Variants in TRPC4 observed in about 807,000 individuals in gnomAD.
The protein encoded by TRPC4 is short transient receptor potential channel 4.
A neutral mutation model predicts 99.4 loss-of-function variants in TRPC4; 49 were observed. That is an observed-to-expected ratio of 0.49 (90% CI 0.39 to 0.63). The LOEUF is 0.63. TRPC4 is among the 20% of genes least tolerant of loss of function. The probability of loss-of-function intolerance (pLI) is 0.00; values close to 1 mark genes in which losing one functional copy is unlikely to be tolerated. For synonymous variants in TRPC4, 454 were observed against 425.9 expected, an observed-to-expected ratio of 1.07 and a Z score of -0.81; for missense variants, 898 against 1,152.9, an observed-to-expected ratio of 0.78 and a Z score of 3.20.
intron 1 of TRPC4, among the ~76,000 whole-genome samples, chr13:37,857,183 A>G (rs1338490737): frequency 1.3e-5 from 2 of 151,670 alleles, no homozygotes; most frequent in Non-Finnish European, 3.0e-5. Flanking sequence ...CAATAGCCAC[A>G]CATAAAAATA....
intron 2 of TRPC4, among the ~76,000 whole-genome samples, chr13:37,747,616 T>C (rs1471431488): frequency 6.6e-6 from 1 of 152,126 alleles, no homozygotes; most frequent in African/African-American, 2.4e-5. Context: ...ACGACACTCA[T>C]GATGACACTT....
intron 1 of TRPC4, among the ~76,000 whole-genome samples, chr13:37,829,728 A>G (rs1311213887): frequency 2.0e-4 from 30 of 152,218 alleles, no homozygotes; most frequent in Admixed American, 2.0e-3. Flanking sequence ...AATAGCCAAA[A>G]GTTGGAACCA....
At chr13:37,666,055 A>G (rs1341649898) in intron 5 of TRPC4, among the ~76,000 whole-genome samples, 1 of 152,174 alleles carries the variant, frequency 6.6e-6, no homozygotes, top group Non-Finnish European at 1.5e-5. Context: ...ATGGGAAACA[A>G]CCATTGGAAG....
intron 2 of TRPC4, among the ~76,000 whole-genome samples, chr13:37,761,774 T>C (rs1956226669): frequency 6.6e-6 from 1 of 151,862 alleles, no homozygotes; most frequent in Non-Finnish European, 1.5e-5. Flanking sequence ...GATTCATTTG[T>C]TTCTCCTCAC....
intron 6 of TRPC4, among the ~76,000 whole-genome samples, chr13:37,659,231 A>G (rs1952350023): frequency 6.6e-6 from 1 of 151,812 alleles, no homozygotes; most frequent in South Asian, 2.1e-4. Context: ...TCATCCTAGG[A>G]GTAATTAGTG....
At chr13:37,741,894 C>T (rs1478464418) in intron 3 of TRPC4, among the ~76,000 whole-genome samples, 3 of 149,586 alleles carry the variant, frequency 2.0e-5, no homozygotes, top group Non-Finnish European at 3.0e-5. Context: ...CAGAGTAACA[C>T]TGCACATTAT....
intron 8 of TRPC4, among the ~76,000 whole-genome samples, chr13:37,642,362 C>T (rs913663013): frequency 1.3e-5 from 2 of 152,122 alleles, no homozygotes; most frequent in Admixed American, 6.5e-5. Flanking sequence ...GCTAGGGGTT[C>T]CAGCCTAGTG....
chr13:37,639,041 T>C lies in TRPC4; in HGVS notation c.2210A>G (p.Lys737Arg), dbSNP rs1357234236. 2.5e-6 allele frequency: 4 copies of C among 1,613,332 alleles called. No individual in the cohort carries two copies. The highest frequency in any genetic ancestry group is 3.4e-6 in the Non-Finnish European group (4 of 1,179,498). ...TEEGLTEENF[K>R]ELKQDISSFR... ...TGTGATGAAGATGAAAATGGTTACC[T>C]TAAAGTTCTCTTCGGTCAGGCCTTC... is the stretch of plus-strand genomic sequence containing the variant. The change falls in exon 10 of 11, where the codon AAG becomes AGG. Residue 737 changes from lysine to arginine, a missense_variant and splice_region_variant. Physicochemically the swap from Lys to Arg is conservative, Grantham distance 26 (BLOSUM62 2). Transcript: ENST00000379705.
chr13:37,748,110 C>CA (rs1955835386), intron 2 of TRPC4, among the ~76,000 whole-genome samples: 2 of 152,064 alleles, frequency 1.3e-5, no homozygotes, highest in South Asian at 4.1e-4. Context: ...AAATTTACAA[C>CA]TTATGTATTA....
At chr13:37,851,228 G>A (rs1959046490) in intron 1 of TRPC4, among the ~76,000 whole-genome samples, 1 of 152,078 alleles carries the variant, frequency 6.6e-6, no homozygotes, top group African/African-American at 2.4e-5. Flanking sequence ...TGGATTAGAT[G>A]ATTTACTCTT....
At chr13:37,769,905 T>C (rs934977821) in intron 2 of TRPC4, among the ~76,000 whole-genome samples, 3 of 151,504 alleles carry the variant, frequency 2.0e-5, no homozygotes, top group Admixed American at 6.6e-5. Context: ...CTAGGCACTT[T>C]ACATGAATTT....
At position 37,633,781 on chromosome 13, in the gene TRPC4, A is replaced by G. The variant is rs1309337827; in HGVS notation, c.*3122T>C. Among the ~76,000 whole-genome samples the G allele has an allele frequency of 6.6e-6, 1 of 152,158 alleles. No individual in the cohort carries two copies. Among genetic ancestry groups the G allele is most frequent in the African/African-American group, 2.4e-5 (1 of 41,464 alleles). ...CAAATATTCAATTCATGAAACAGAT[A>G]CATTTTGAGGATGTTTAGCACTTTG... On this transcript the variant is annotated 3_prime_UTR_variant, in exon 11 of 11. Transcript: ENST00000379705.
At chr13:37,705,332 G>A (rs1351563189) in intron 3 of TRPC4, among the ~76,000 whole-genome samples, 1 of 151,902 alleles carries the variant, frequency 6.6e-6, no homozygotes, top group Non-Finnish European at 1.5e-5. Flanking sequence ...TTGGTCAAAG[G>A]GCGCATCATT....
Position 37,812,176 on chromosome 13 carries a change from C to CAA in TRPC4, c.-27-28818_-27-28817dup, listed in dbSNP as rs61607544. On this transcript the variant is annotated intron_variant, in intron 1 of 10. Coordinates refer to ENST00000379705, the MANE Select transcript of TRPC4 (RefSeq NM_016179.4). ...CCTAGGCAACAGACTGAGACTCTAT[C>CAA]AAAAAAAAAAAAAAAAAAACCAGGA... Among the ~76,000 whole-genome samples the CAA allele has an allele frequency of 3.3e-3, 184 of 55,160 alleles. 18 individuals are homozygous for CAA. Among genetic ancestry groups the CAA allele is most frequent in the African/African-American group, 9.5e-3 (120 of 12,688 alleles). The allele number at this position is 55,160 out of a possible 152,430, so 36.2% of individuals were successfully genotyped here. A position where few individuals can be genotyped will look rare whatever the true frequency, so the allele number is the denominator to read the frequency against.
At chr13:37,815,011 G>A (rs1002319339) in intron 1 of TRPC4, among the ~76,000 whole-genome samples, 1 of 151,650 alleles carries the variant, frequency 6.6e-6, no homozygotes, top group South Asian at 2.1e-4. Flanking sequence ...TTGAGGGTCA[G>A]AAAATAAACC....
chr13:37,825,052 A>G (rs1958160056), intron 1 of TRPC4, among the ~76,000 whole-genome samples: 1 of 151,034 alleles, frequency 6.6e-6, no homozygotes, highest in Non-Finnish European at 1.5e-5. Flanking sequence ...TTTCTAGTTT[A>G]TTTGCATAGA....
chr13:37,794,684 C>T (rs1397559849), intron 1 of TRPC4, among the ~76,000 whole-genome samples: 2 of 152,142 alleles, frequency 1.3e-5, no homozygotes, highest in East Asian at 3.8e-4. Context: ...ACTTTACTAA[C>T]TTTGTCACTC....
At chr13:37,776,889 A>G (rs1956720593) in intron 2 of TRPC4, among the ~76,000 whole-genome samples, 2 of 151,948 alleles carry the variant, frequency 1.3e-5, no homozygotes, top group African/African-American at 4.8e-5. Flanking sequence ...AGACAGTAAT[A>G]TATTTACTGG....
intron 1 of TRPC4, among the ~76,000 whole-genome samples, chr13:37,795,951 C>T (rs1376259484): frequency 1.3e-5 from 2 of 152,148 alleles, no homozygotes; most frequent in East Asian, 3.9e-4. Context: ...ATGTTGCATC[C>T]AGAAGATGCA....
Sources: allele counts gnomAD v4.1 joint callset (sites outside exome capture counted in the v4.1 genomes callset), GRCh38; gene constraint gnomAD v4.1.1; transcripts MANE v1.5; gene names NCBI Gene and HGNC (gene_info 2026-07-23, HGNC 2026-07-21).